The following MROH7 variants were observed in gnomAD, a reference collection of about 807,000 sequenced individuals.
MROH7 encodes maestro heat-like repeat-containing protein family member 7.
MROH7 carries 113 observed loss-of-function variants against 129.2 expected under a neutral mutation model. That is an observed-to-expected ratio of 0.87 (90% CI 0.75 to 1.02). MROH7 has a LOEUF of 1.02. MROH7 is among the 50% of genes least tolerant of loss of function. The pLI is 0.00. For missense variants in MROH7, 1,601 were observed against 1,671.3 expected, an observed-to-expected ratio of 0.96 and a Z score of 0.73; for synonymous variants, 655 against 667.9, an observed-to-expected ratio of 0.98 and a Z score of 0.30.
rs938399790 is a variant in MROH7, at chr1:54,665,336, GC to G, written c.1305+98del. Reference sequence around the variant, plus strand: ...GCCCAGCAGCCTCCGCATTCCCCATGCCTCTGCCCAGCTCTCCTTTTCTCCA... The same window carrying G: ...GCCCAGCAGCCTCCGCATTCCCCATGCTCTGCCCAGCTCTCCTTTTCTCCA... On this transcript the variant is annotated intron_variant, in intron 4 of 23. Transcript: ENST00000421030. 5 of 836,322 alleles carry G rather than the reference GC, an allele frequency of 6.0e-6. No homozygotes were observed. The African/African-American group carries it at 6.7e-5, about 11-fold the overall frequency. The allele number at this position is 836,322 out of a possible 1,614,324, so 51.8% of individuals were successfully genotyped here.
rs780480424 is a variant in MROH7, at chr1:54,645,651, C to CTTTTTTT, written c.-110+3686_-110+3687insTTTTTTT. On this transcript the variant is annotated intron_variant, in intron 1 of 23. Transcript: ENST00000421030. Reference sequence around the variant, plus strand: ...GATATTTCTTTTCTTTTCTTTCTTTCTTTCTTTTTTTTTTTTTTTGAGACA... The same window carrying CTTTTTTT: ...GATATTTCTTTTCTTTTCTTTCTTTCTTTTTTTTTTCTTTTTTTTTTTTTTTGAGACA... Among the ~76,000 whole-genome samples the CTTTTTTT allele has an allele frequency of 6.6e-4, 73 of 110,192 alleles. 1 individual carries two copies. The highest frequency in any genetic ancestry group is 1.4e-3 in the African/African-American group (39 of 28,464). 72.3% of individuals were successfully genotyped at this position (110,192 alleles called of 152,430 possible).
chr1:54,650,482 C>G (rs1024505691), intron 1 of MROH7, among the ~76,000 whole-genome samples: 1 of 152,010 alleles, frequency 6.6e-6, no homozygotes, highest in Non-Finnish European at 1.5e-5. Context: ...TCTCCCCTTG[C>G]CACCCATTGC....
At chr1:54,643,507 A>G (rs1644418326) in intron 1 of MROH7, among the ~76,000 whole-genome samples, 1 of 152,178 alleles carries the variant, frequency 6.6e-6, no homozygotes, top group Non-Finnish European at 1.5e-5. Flanking sequence ...AAACACAGAT[A>G]TCAGACTTCA....
At chr1:54,673,516 C>T (rs1344279267) in intron 8 of MROH7, among the ~76,000 whole-genome samples, 185 bp from the exon 9 acceptor site, 1 of 152,148 alleles carries the variant, frequency 6.6e-6, no homozygotes, top group Non-Finnish European at 1.5e-5. Flanking sequence ...TCCTTCTTCC[C>T]TATAGTCTGT....
In MROH7 at chr1:54,683,157, C is replaced by T. The variant is rs74571709; in HGVS notation, c.2520+363C>T. On this transcript the variant is annotated intron_variant, in intron 14 of 23. Coordinates refer to ENST00000421030, the MANE Select transcript of MROH7 (RefSeq NM_001039464.4). Reference sequence around the variant, plus strand: ...TTTGAGGCCAGCCTGGGCACTATAGCAAGACCTCTTCTCTATTTTTTTAAA... The same window carrying T: ...TTTGAGGCCAGCCTGGGCACTATAGTAAGACCTCTTCTCTATTTTTTTAAA... 5.8e-3 allele frequency among the ~76,000 whole-genome samples: 884 copies of T among 152,228 alleles called. 7 individuals are homozygous for T. Among genetic ancestry groups the T allele is most frequent in the African/African-American group, 0.02 (843 of 41,536 alleles).
chr1:54,646,951 C>A (rs1228406893), intron 1 of MROH7, among the ~76,000 whole-genome samples: 1 of 152,156 alleles, frequency 6.6e-6, no homozygotes, highest in African/African-American at 2.4e-5. Context: ...CAAAGTTTAT[C>A]CATGTTTCAC....
In MROH7 at chr1:54,710,257, C is replaced by T. The variant is rs1332052823; in HGVS notation, c.*70C>T. On this transcript the variant is annotated 3_prime_UTR_variant, in exon 24 of 24. Transcript: ENST00000421030. The stretch of plus-strand genomic sequence containing the variant: ...CATGCTCCCTATAAATGTCATGTGG[C>T]TTACCTCTCCATCTTGATTGTTTCC... 4.6e-6 allele frequency: 7 copies of T among 1,533,180 alleles called. No homozygotes were observed. The highest frequency in any genetic ancestry group is 6.2e-6 in the Non-Finnish European group (7 of 1,129,418). 95.0% of individuals were successfully genotyped at this position (1,533,180 alleles called of 1,614,324 possible). A position where few individuals can be genotyped will look rare whatever the true frequency, so the allele number is the denominator to read the frequency against.
At chr1:54,707,031 T>G (rs77028898) in intron 22 of MROH7, among the ~76,000 whole-genome samples, 1 of 152,090 alleles carries the variant, frequency 6.6e-6, no homozygotes, top group South Asian at 2.1e-4. Flanking sequence ...AATGAGAATA[T>G]TTTTTAAAAG....
chr1:54,647,942 A>AGT (rs1644493736), intron 1 of MROH7, among the ~76,000 whole-genome samples: 1 of 150,706 alleles, frequency 6.6e-6, no homozygotes, highest in Non-Finnish European at 1.5e-5. Context: ...GTGGGATAGG[A>AGT]GTTCAACTTC....
At chr1:54,696,906 A>T (rs1645332672) in intron 17 of MROH7, among the ~76,000 whole-genome samples, 1 of 152,066 alleles carries the variant, frequency 6.6e-6, no homozygotes, top group Admixed American at 6.6e-5. Flanking sequence ...TCCTGACCTC[A>T]AATGATCCTC....
intron 5 of MROH7, among the ~76,000 whole-genome samples, chr1:54,670,042 G>A (rs1473361375): frequency 2.0e-5 from 3 of 149,798 alleles, no homozygotes; most frequent in Non-Finnish European, 4.4e-5. Context: ...GATGAACCTG[G>A]CCAACATCAT....
intron 21 of MROH7, 135 bp from the exon 22 acceptor site, chr1:54,706,299 TG>T: frequency 1.5e-6 from 1 of 672,280 alleles, no homozygotes; most frequent in Non-Finnish European, 2.7e-6. Flanking sequence ...CCCTGGCCTG[TG>T]GGGGACTCAT....
chr1:54,682,628 C>G, intron 13 of MROH7, 28 bp from the exon 14 acceptor site: 2 of 1,602,146 alleles, frequency 1.2e-6, no homozygotes, highest in South Asian at 1.1e-5. Flanking sequence ...TTGGCCACCA[C>G]TAATTGCCCA....
At chr1:54,678,976 C>T (rs1390189334) in intron 11 of MROH7, 122 bp downstream of exon 11, 1 of 782,712 alleles carries the variant, frequency 1.3e-6, no homozygotes, top group Non-Finnish European at 2.1e-6. Flanking sequence ...TCCCAGCCAC[C>T]CACGCCTGTC....
intron 3 of MROH7, 86 bp from the exon 4 acceptor site, chr1:54,665,081 C>A (rs1644790111): frequency 6.9e-6 from 7 of 1,012,544 alleles, no homozygotes; most frequent in Non-Finnish European, 1.1e-5. Context: ...TTGGAGGTGC[C>A]TAGAGGGGGA....
At chr1:54,691,803 A>AGTGTGTGTGTGTGTGTGTGTGT (rs373106798) in intron 15 of MROH7, among the ~76,000 whole-genome samples, 13 of 104,188 alleles carry the variant, frequency 1.2e-4, no homozygotes, top group African/African-American at 4.7e-4. Context: ...AAAAAAAAAA[A>AGTGTGTGTGTGTGTGTGTGTGT]GTGTGTGTGT....
At chr1:54,657,199 C>T (rs1279737577) in intron 3 of MROH7, among the ~76,000 whole-genome samples, 1 of 151,774 alleles carries the variant, frequency 6.6e-6, no homozygotes. Flanking sequence ...AAGCACGTGC[C>T]ACCCTACTCA....
chr1:54,654,900 C>T (rs1337571897), intron 3 of MROH7, among the ~76,000 whole-genome samples: 5 of 152,046 alleles, frequency 3.3e-5, no homozygotes, highest in Non-Finnish European at 7.4e-5. Context: ...GTTTCTGATG[C>T]TGTAAATATC....
At position 54,652,891 on chromosome 1, in the gene MROH7, A is replaced by AG. The variant is rs1644578401; in HGVS notation, c.-35dup. On this transcript the variant is annotated 5_prime_UTR_variant, in exon 3 of 24. An upstream open reading frame in the 5' UTR loses its in-frame stop. Coordinates refer to ENST00000421030, the MANE Select transcript of MROH7 (RefSeq NM_001039464.4). ...ATGTGACAGTTGGCTGTTGGAGAGA[A>AG]GCGGGCACTGGCATTGAGAGACCTC... 4 of 1,527,588 alleles carry AG rather than the reference A, an allele frequency of 2.6e-6. No individual in the cohort carries two copies. The highest frequency in any genetic ancestry group is 3.5e-6 in the Non-Finnish European group (4 of 1,140,414). The allele number at this position is 1,527,588 out of a possible 1,614,324, so 94.6% of individuals were successfully genotyped here. A position where few individuals can be genotyped will look rare whatever the true frequency, so the allele number is the denominator to read the frequency against.
Sources: allele counts gnomAD v4.1 joint callset (sites outside exome capture counted in the v4.1 genomes callset), GRCh38; gene constraint gnomAD v4.1.1; transcripts MANE v1.5; gene names NCBI Gene and HGNC (gene_info 2026-07-23, HGNC 2026-07-21).